ABCG2: variants seen among roughly 807,000 people sequenced by gnomAD.
ABCG2 encodes broad substrate specificity ATP-binding cassette transporter ABCG2.
In ABCG2, 80 loss-of-function variants were observed where a neutral mutation model predicts 73.5. The ratio of observed to expected loss-of-function variants is 1.09; its 90% CI spans 0.91 to 1.31. The LOEUF (loss-of-function observed/expected upper bound fraction) is 1.31. ABCG2 is among the 50% of genes most tolerant of loss of function. The pLI is 0.00. For missense variants in ABCG2, 796 were observed against 786.2 expected (o/e 1.01, Z -0.15); for synonymous variants, 269 against 282.4 (o/e 0.95, Z 0.48).
intron 1 of ABCG2, among the ~76,000 whole-genome samples, chr4:88,197,196 AC>A (rs59399642): frequency 0.44 from 62,988 of 144,486 alleles, 15,037 homozygotes; most frequent in East Asian, 0.9. Flanking sequence ...GCTTTCAACA[AC>A]AAAAAAAAAA....
chr4:88,092,041 A>G lies in ABCG2; in HGVS notation c.*193T>C, dbSNP rs1721671755. ...GAGGAGATTAACTAATATGCGATAC[A>G]TGATGTCTTGGGTTCTTTCATGTTT... is the stretch of plus-strand genomic sequence containing the variant. On this transcript the variant is annotated 3_prime_UTR_variant, in exon 16 of 16. Coordinates refer to ENST00000237612, the MANE Select transcript of ABCG2 (RefSeq NM_004827.3). 13 of 534,970 alleles carry G rather than the reference A, an allele frequency of 2.4e-5. No homozygotes were observed. In the South Asian group the frequency reaches 3.4e-4, roughly 14 times the overall value. 33.1% of individuals were successfully genotyped at this position (534,970 alleles called of 1,614,324 possible). A position where few individuals can be genotyped will look rare whatever the true frequency, so the allele number is the denominator to read the frequency against.
At chr4:88,193,196 T>C (rs1325642145) in intron 1 of ABCG2, among the ~76,000 whole-genome samples, 1 of 152,164 alleles carries the variant, frequency 6.6e-6, no homozygotes, top group Non-Finnish European at 1.5e-5. Flanking sequence ...GCTATTTTTA[T>C]TGGTATCTCA....
chr4:88,103,760 A>T (rs575044133), intron 10 of ABCG2, among the ~76,000 whole-genome samples: 1 of 152,232 alleles, frequency 6.6e-6, no homozygotes, highest in East Asian at 1.9e-4. Context: ...CCACCATTCT[A>T]CTGTCTCTTT....
chr4:88,186,384 C>T (rs988293060), intron 1 of ABCG2, among the ~76,000 whole-genome samples: 9 of 152,172 alleles, frequency 5.9e-5, no homozygotes, highest in African/African-American at 9.6e-5. Context: ...GTCTGTAACT[C>T]CCAACACTTT....
At chr4:88,220,550 A>G (rs766438832) in intron 1 of ABCG2, 1 of 152,662 alleles carries the variant, frequency 6.6e-6, no homozygotes, top group Admixed American at 6.5e-5. Flanking sequence ...CTTCCCATTT[A>G]TCTTGATTCA....
chr4:88,092,349 C>A lies in ABCG2; in HGVS notation c.1853G>T (p.Gly618Val). The change falls in exon 16 of 16, where the codon GGC becomes GTC. Residue 618 changes from glycine to valine, a missense_variant. By Grantham distance (109) the Gly-to-Val change is moderately radical (BLOSUM62 -3). Coordinates refer to ENST00000237612, the MANE Select transcript of ABCG2 (RefSeq NM_004827.3). ...CTGEEYLVKQ[G>V]IDLSPWGLWK... The stretch of plus-strand genomic sequence containing the variant: ...CAAGCCCCAGGGTGAGAGATCGATG[C>A]CCTGCTTTACCAAATATTCTTCGCC... 6.2e-7 allele frequency: 1 copy of A among 1,612,166 alleles called. No individual in the cohort carries two copies. Among genetic ancestry groups the A allele is most frequent in the Non-Finnish European group, 8.5e-7 (1 of 1,179,572 alleles).
At position 88,176,155 on chromosome 4, in the gene ABCG2, T is replaced by TC. The variant is rs778050082; in HGVS notation, c.-19-36142_-19-36141insG. ...TTGTGTTTAATTATTATGATTATTC[T>TC]TGTTTTTTTTTTCTTTTTTTGTGGA... is the stretch of plus-strand genomic sequence containing the variant. On this transcript the variant is annotated intron_variant, in intron 1 of 15. Transcript: ENST00000515655. Among the ~76,000 whole-genome samples the TC allele has an allele frequency of 7.9e-4, 96 of 121,874 alleles. 1 individual carries two copies. The highest frequency in any genetic ancestry group is 2.5e-3 in the African/African-American group (86 of 33,968). 80.0% of individuals were successfully genotyped at this position (121,874 alleles called of 152,430 possible). A position where few individuals can be genotyped will look rare whatever the true frequency, so the allele number is the denominator to read the frequency against.
rs1313230726 is a variant in ABCG2, at chr4:88,099,474, C to T, written c.1368-26G>A. 1.9e-6 allele frequency: 3 copies of T among 1,579,926 alleles called. No individual in the cohort carries two copies. The Admixed American group carries it at 5.4e-5, about 29-fold the overall frequency. ...CTATAGAACAAAAATACGTATCATA[C>T]ATCCAAGATTAGTTTAAGAAGCCAC... On this transcript the variant is annotated intron_variant, in intron 11 of 15. Coordinates refer to ENST00000237612, the MANE Select transcript of ABCG2 (RefSeq NM_004827.3).
At chr4:88,132,961 A>G (rs1725005900) in intron 2 of ABCG2, among the ~76,000 whole-genome samples, 1 of 152,190 alleles carries the variant, frequency 6.6e-6, no homozygotes, top group Admixed American at 6.5e-5. Context: ...ATGGATGTTA[A>G]TCACTGGTCA....
chr4:88,208,283 G>T (rs1729456365), intron 1 of ABCG2, among the ~76,000 whole-genome samples: 1 of 152,184 alleles, frequency 6.6e-6, no homozygotes, highest in Admixed American at 6.5e-5. Context: ...TTACAACAAT[G>T]TTGCAAGGAT....
chr4:88,170,110 CAAAA>C (rs1161275708), intron 1 of ABCG2, among the ~76,000 whole-genome samples: 2 of 57,626 alleles, frequency 3.5e-5, no homozygotes, highest in Non-Finnish European at 4.0e-5. Flanking sequence ...GACTCCGTCT[CAAAA>C]AAAAAAAAAA....
intron 2 of ABCG2, among the ~76,000 whole-genome samples, chr4:88,134,680 T>C (rs1725123171): frequency 6.6e-6 from 1 of 152,210 alleles, no homozygotes; most frequent in African/African-American, 2.4e-5. Context: ...CCTAAATGAT[T>C]AACCCAAACC....
chr4:88,132,985 A>G (rs1216440139), intron 2 of ABCG2, among the ~76,000 whole-genome samples: 1 of 152,266 alleles, frequency 6.6e-6, no homozygotes, highest in African/African-American at 2.4e-5. Flanking sequence ...CCTACAAGAA[A>G]AATGGCATAG....
intron 8 of ABCG2, 33 bp from the exon 9 acceptor site, chr4:88,113,586 A>G: frequency 6.3e-7 from 1 of 1,598,958 alleles, no homozygotes; most frequent in South Asian, 1.1e-5. Context: ...GGAAACACAA[A>G]CAAGATAACA....
At chr4:88,118,333 C>T (rs1723741893) in intron 6 of ABCG2, 73 bp from the exon 7 acceptor site, 1 of 1,505,168 alleles carries the variant, frequency 6.6e-7, no homozygotes, top group Non-Finnish European at 9.1e-7. Context: ...ATACTCTATT[C>T]TTGCCTTTAG....
At chr4:88,097,726 A>C in intron 12 of ABCG2, 119 bp from the exon 13 acceptor site, 2 of 1,147,950 alleles carry the variant, frequency 1.7e-6, no homozygotes, top group Non-Finnish European at 1.2e-6. Flanking sequence ...AATGAAAAAA[A>C]GTCATCCACT....
rs540474411 is a variant in ABCG2, at chr4:88,100,374, G to A, written c.1367+856C>T. ...AAAAATTAGCTGGGTGTGGTGGCGG[G>A]CACCTGTAATCCCAGCTACTTGGGA... On this transcript the variant is annotated intron_variant, in intron 11 of 15. Transcript: ENST00000237612. 1.1e-4 allele frequency among the ~76,000 whole-genome samples: 16 copies of A among 151,818 alleles called. No individual in the cohort carries two copies. In the South Asian group the frequency reaches 3.3e-3, roughly 32 times the overall value.
intron 1 of ABCG2, among the ~76,000 whole-genome samples, chr4:88,230,827 A>G (rs1367570054): frequency 6.6e-6 from 1 of 152,210 alleles, no homozygotes; most frequent in Non-Finnish European, 1.5e-5. Context: ...AGGCCCCCTG[A>G]GTTCTGCAGA....
At chr4:88,153,508 G>A (rs35693731) in intron 1 of ABCG2, among the ~76,000 whole-genome samples, 1 of 133,860 alleles carries the variant, frequency 7.5e-6, no homozygotes, top group East Asian at 2.6e-4. Flanking sequence ...TAAAAGACCA[G>A]TAGTCCGTTC....
Sources: allele counts gnomAD v4.1 joint callset (sites outside exome capture counted in the v4.1 genomes callset), GRCh38; gene constraint gnomAD v4.1.1; transcripts MANE v1.5; gene names NCBI Gene and HGNC (gene_info 2026-07-23, HGNC 2026-07-21).